The following RNF217 variants were observed in gnomAD, a reference collection of about 807,000 sequenced individuals.
The protein encoded by RNF217 is E3 ubiquitin-protein ligase RNF217.
In RNF217, 31 loss-of-function variants were observed where a neutral mutation model predicts 57.8. The observed-to-expected ratio is 0.54, with a 90% CI of 0.40 to 0.72. The LOEUF (loss-of-function observed/expected upper bound fraction) is 0.72. RNF217 is among the 30% of genes least tolerant of loss of function. RNF217 has a pLI of 0.00. For missense variants in RNF217, 696 were observed against 708.3 expected (o/e 0.98, Z 0.20); for synonymous variants, 313 against 294.0 (o/e 1.06, Z -0.66).
intron 2 of RNF217, among the ~76,000 whole-genome samples, chr6:125,056,221 G>A (rs1014286086): frequency 7.9e-5 from 12 of 152,074 alleles, no homozygotes; most frequent in African/African-American, 1.9e-4. Context: ...ACAAACTTAC[G>A]TTTAAATTCC....
intron 3 of RNF217, among the ~76,000 whole-genome samples, chr6:125,063,921 A>G (rs958636151): frequency 6.6e-6 from 1 of 152,158 alleles, no homozygotes; most frequent in Non-Finnish European, 1.5e-5. Flanking sequence ...ATTCTCTTCA[A>G]TCCTATAATA....
At chr6:125,029,035 A>G (rs1275096212) in intron 1 of RNF217, among the ~76,000 whole-genome samples, 2 of 152,230 alleles carry the variant, frequency 1.3e-5, no homozygotes, top group Non-Finnish European at 2.9e-5. Context: ...CAAAGAAATT[A>G]GAAAGCTCAG....
At chr6:125,026,375 G>A (rs1264685764) in intron 1 of RNF217, among the ~76,000 whole-genome samples, 2 of 152,092 alleles carry the variant, frequency 1.3e-5, no homozygotes, top group Admixed American at 1.3e-4. Context: ...AGTAACTGAG[G>A]TTAATCAATG....
intron 2 of RNF217, among the ~76,000 whole-genome samples, chr6:125,050,659 A>T (rs1452979683): frequency 6.6e-6 from 1 of 151,852 alleles, no homozygotes; most frequent in East Asian, 1.9e-4. Flanking sequence ...CCCATATATA[A>T]GAATGTGTAA....
At chr6:125,016,637 A>G (rs906452184) in intron 1 of RNF217, among the ~76,000 whole-genome samples, 5 of 152,138 alleles carry the variant, frequency 3.3e-5, no homozygotes, top group African/African-American at 1.2e-4. Flanking sequence ...CAGCCATAAA[A>G]AAAAGGATGA....
intron 2 of RNF217, chr6:125,048,279 CA>C (rs769885762): frequency 7.5e-7 from 1 of 1,327,884 alleles, no homozygotes; most frequent in Non-Finnish European, 1.0e-6. Context: ...TTTTATTTTG[CA>C]GTATTTTTAA....
At chr6:125,054,326 A>C (rs1399363920) in intron 2 of RNF217, among the ~76,000 whole-genome samples, 1 of 152,190 alleles carries the variant, frequency 6.6e-6, no homozygotes, top group African/African-American at 2.4e-5. Context: ...AGTGAGGTTT[A>C]GTCTAAGGCT....
At chr6:125,039,355 G>A (rs1479438345) in intron 1 of RNF217, among the ~76,000 whole-genome samples, 2 of 151,966 alleles carry the variant, frequency 1.3e-5, no homozygotes, top group African/African-American at 4.8e-5. Flanking sequence ...GACAAAGAAG[G>A]GCATTACATA....
intron 1 of RNF217, among the ~76,000 whole-genome samples, chr6:125,039,453 G>A (rs1365528502): frequency 6.6e-6 from 1 of 152,118 alleles, no homozygotes; most frequent in Non-Finnish European, 1.5e-5. Flanking sequence ...CATAAAACGA[G>A]TTCTTAGAGA....
rs9482592 is a variant in RNF217, at chr6:125,077,456, G to A, written c.1483+598G>A. ...ATTATCCAAGTGAAAATGCTTTTGT[G>A]GATTGACTTTTTACCCCCTCTTCCT... On this transcript the variant is annotated intron_variant, in intron 4 of 5. Transcript: ENST00000521654. 9.0e-3 allele frequency among the ~76,000 whole-genome samples: 1,364 copies of A among 152,184 alleles called. 17 individuals are homozygous for A. The highest frequency in any genetic ancestry group is 0.027 in the African/African-American group (1,117 of 41,508).
intron 3 of RNF217, among the ~76,000 whole-genome samples, chr6:125,063,197 G>A (rs775275159): frequency 4.6e-5 from 7 of 152,140 alleles, no homozygotes; most frequent in African/African-American, 2.4e-5. Flanking sequence ...AGATACTAAA[G>A]TCTGAGTTAA....
chr6:125,032,477 A>G (rs1582731558), intron 1 of RNF217, among the ~76,000 whole-genome samples: 1 of 151,990 alleles, frequency 6.6e-6, no homozygotes, highest in East Asian at 1.9e-4. Context: ...ATATATATAT[A>G]TATTTCTTAT....
chr6:125,045,130 G>T, intron 1 of RNF217, 81 bp from the exon 2 acceptor site: 1 of 824,092 alleles, frequency 1.2e-6, no homozygotes, highest in Non-Finnish European at 2.0e-6. Flanking sequence ...CATGAAATAA[G>T]TAATACTGTA....
intron 1 of RNF217, among the ~76,000 whole-genome samples, chr6:124,965,272 AAAT>A (rs916725161): frequency 1.6e-4 from 25 of 152,098 alleles, no homozygotes; most frequent in African/African-American, 5.8e-4. Context: ...GACTTTCAAT[AAAT>A]AATAATACAC....
chr6:125,000,239 G>A (rs1450690507), intron 1 of RNF217, among the ~76,000 whole-genome samples: 9 of 151,830 alleles, frequency 5.9e-5, no homozygotes, highest in African/African-American at 2.2e-4. Context: ...GTTTGTTTGC[G>A]ATTCTAGAAA....
At chr6:124,977,225 T>C (rs147362660) in intron 1 of RNF217, among the ~76,000 whole-genome samples, 85 of 152,334 alleles carry the variant, frequency 5.6e-4, no homozygotes, top group African/African-American at 2.0e-3. Flanking sequence ...ACAAATGTAC[T>C]AGCTGAATTT....
In RNF217 at chr6:125,091,749, C is replaced by T. The variant is rs1788958674; in HGVS notation, c.*8812C>T. 1 of 152,136 alleles carries T rather than the reference C, an allele frequency of 6.6e-6. No homozygotes were observed. The highest frequency in any genetic ancestry group is 1.5e-5 in the Non-Finnish European group (1 of 67,978). The allele number at this position is 152,136 out of a possible 1,614,324, so 9.4% of individuals were successfully genotyped here. On this transcript the variant is annotated 3_prime_UTR_variant, in exon 6 of 6. Transcript: ENST00000521654. ...CAGGAATTTGACCAGTTCCTTACAA[C>T]TTATTCTTGGCAATATTTTGTCAGT...
At chr6:125,008,111 C>G (rs1177376010) in intron 1 of RNF217, among the ~76,000 whole-genome samples, 8 of 152,054 alleles carry the variant, frequency 5.3e-5, no homozygotes. Context: ...AAAAAATTAG[C>G]TGGGCCTGGT....
Position 124,963,001 on chromosome 6 carries a change from C to G in RNF217, c.457C>G (p.Arg153Gly), listed in dbSNP as rs1783356837. The G allele has an allele frequency of 6.3e-7, 1 of 1,595,854 alleles. No homozygotes were observed. Among genetic ancestry groups the G allele is most frequent in the Admixed American group, 1.7e-5 (1 of 59,692 alleles). ...ACTGGTCCTGGACGTGCTGGGTCAG[C>G]GGCGCCCGTCCCTCGCCAAGAGACA... ...DGLVLDVLGQ[R>G]RPSLAKRQVF... Residue 153 changes from arginine to glycine, a missense_variant, in exon 1 of 6, where the codon CGG becomes GGG. Arg to Gly is a moderately radical substitution (Grantham distance 125). Coordinates refer to ENST00000521654, the MANE Select transcript of RNF217 (RefSeq NM_001286398.3).
Sources: allele counts gnomAD v4.1 joint callset (sites outside exome capture counted in the v4.1 genomes callset), GRCh38; gene constraint gnomAD v4.1.1; transcripts MANE v1.5; gene names NCBI Gene and HGNC (gene_info 2026-07-23, HGNC 2026-07-21).